TM2D3: variants seen among roughly 807,000 people sequenced by gnomAD.
The protein encoded by TM2D3 is TM2 domain containing 3, also known as TM2 domain-containing protein 3.
In TM2D3, 33 loss-of-function variants were observed where a neutral mutation model predicts 27.3. The ratio of observed to expected loss-of-function variants is 1.21; its 90% CI spans 0.92 to 1.61. TM2D3 has a LOEUF of 1.61. TM2D3 is among the 40% of genes most tolerant of loss of function. The pLI, the probability that TM2D3 is intolerant of heterozygous loss-of-function variation, is 0.00. For synonymous variants in TM2D3, 138 were observed against 122.2 expected, an observed-to-expected ratio of 1.13 and a Z score of -0.85; for missense variants, 364 against 320.8, an observed-to-expected ratio of 1.13 and a Z score of -1.03.
chr15:101,651,944 G>A (rs921715999), intron 1 of TM2D3, 171 bp from the exon 2 acceptor site: 4 of 686,876 alleles, frequency 5.8e-6, no homozygotes, highest in Non-Finnish European at 1.0e-5. Flanking sequence ...CAACAGAGTA[G>A]ACATCAGTTC....
chr15:101,652,064 G>A (rs951735771), intron 1 of TM2D3: 3 of 560,556 alleles, frequency 5.4e-6, no homozygotes, highest in Middle Eastern at 9.3e-4. Context: ...AGCCGCGATG[G>A]CGGGCTCGGT....
At position 101,645,306 on chromosome 15, in the gene TM2D3, G is replaced by A. The variant is rs565213678; in HGVS notation, c.503-144C>T. On this transcript the variant is annotated intron_variant, in intron 4 of 5. Transcript: ENST00000333202. Reference sequence around the variant, plus strand: ...CATGTTGAAGTGAAGAGTACAAAGCGCTTACCATCTATCTACATAGATGTA... The same window carrying A: ...CATGTTGAAGTGAAGAGTACAAAGCACTTACCATCTATCTACATAGATGTA... 3.3e-5 allele frequency: 22 copies of A among 670,132 alleles called. No individual in the cohort carries two copies. In the South Asian group the frequency reaches 3.8e-4, roughly 12 times the overall value. 41.5% of individuals were successfully genotyped at this position (670,132 alleles called of 1,614,324 possible).
Position 101,651,532 on chromosome 15 carries a change from A to C in TM2D3, c.169+164T>G, listed in dbSNP as rs541146098. 5.6e-5 allele frequency: 36 copies of C among 639,808 alleles called. No individual in the cohort carries two copies. The South Asian group carries it at 7.6e-4, about 13-fold the overall frequency. The allele number at this position is 639,808 out of a possible 1,614,324, so 39.6% of individuals were successfully genotyped here. ...AAAGGTATAAATACGAAGACTATCTACTGAAAATGGCTGTGTATCTACCCT... is the reference window on the plus strand; with the variant it reads ...AAAGGTATAAATACGAAGACTATCTCCTGAAAATGGCTGTGTATCTACCCT... On this transcript the variant is annotated intron_variant, in intron 2 of 5. Transcript: ENST00000333202.
In TM2D3 at chr15:101,646,964, A is replaced by G. The variant is rs1191358612; in HGVS notation, c.328-65T>C. On this transcript the variant is annotated intron_variant, in intron 3 of 5. Coordinates refer to ENST00000333202, the MANE Select transcript of TM2D3 (RefSeq NM_078474.3). Reference sequence around the variant, plus strand: ...TGTAGTCTGTTAAGATGTCAGTAAGACTACACAGTCACATGGCACAAAATT... The same window carrying G: ...TGTAGTCTGTTAAGATGTCAGTAAGGCTACACAGTCACATGGCACAAAATT... The G allele has an allele frequency of 1.9e-6, 3 of 1,573,466 alleles. No homozygotes were observed. In the African/African-American group the frequency reaches 4.0e-5, roughly 21 times the overall value.
intron 5 of TM2D3, among the ~76,000 whole-genome samples, chr15:101,643,550 C>T (rs571962403): frequency 7.5e-6 from 1 of 132,718 alleles, no homozygotes; most frequent in South Asian, 2.3e-4. Context: ...TGCAGTAAGC[C>T]GAGATTGAGC....
rs1897007555 is a variant in TM2D3 at position 101,652,258 on chromosome 15, G to C, written c.91+13C>G. 1.2e-6 allele frequency: 2 copies of C among 1,603,154 alleles called. No homozygotes were observed. The highest frequency in any genetic ancestry group is 1.4e-5 in the African/African-American group (1 of 72,988). On this transcript the variant is annotated intron_variant, in intron 1 of 5. Transcript: ENST00000333202. ...TCAGCCCCACCCGGCGCTGAACCCA[G>C]CCTTTGACTCACCACCGCCCGACAG...
intron 5 of TM2D3, 142 bp from the exon 6 acceptor site, chr15:101,642,786 T>G (rs1156598703): frequency 1.8e-6 from 1 of 541,118 alleles, no homozygotes; most frequent in East Asian, 3.4e-5. Context: ...AGTGACTATT[T>G]CACAAACTGA....
At chr15:101,650,439 G>A in intron 2 of TM2D3, 1 of 275,850 alleles carries the variant, frequency 3.6e-6, no homozygotes, top group Non-Finnish European at 6.7e-6. Context: ...ATAATGTATA[G>A]AAAATTCTGG....
At chr15:101,641,064 G>C (rs1896656626), downstream of TM2D3, among the ~76,000 whole-genome samples, 1 of 152,198 alleles carries the variant, frequency 6.6e-6, no homozygotes, top group African/African-American at 2.4e-5. Context: ...TCTACACAGA[G>C]CTACATAAGG....
At chr15:101,636,780 C>T (rs965547267) in intron 4 of TM2D3, 12 of 245,370 alleles carry the variant, frequency 4.9e-5, no homozygotes, top group Non-Finnish European at 9.4e-5. Context: ...TTTACATCCC[C>T]ACCAGCAATA....
chr15:101,637,932 T>C (rs1253811225), downstream of TM2D3, among the ~76,000 whole-genome samples: 2 of 152,200 alleles, frequency 1.3e-5, no homozygotes, highest in Admixed American at 1.3e-4. Context: ...TTGTGTTCTA[T>C]TCTACATTCC....
At position 101,650,206 on chromosome 15, in the gene TM2D3, C is replaced by T. The variant is rs764489116; in HGVS notation, c.170-45G>A. The T allele has an allele frequency of 3.2e-6, 5 of 1,565,882 alleles. No individual in the cohort carries two copies. In the South Asian group the frequency reaches 5.7e-5, roughly 18 times the overall value. ...AGCTTATTCTCCTATAATACTGATT[C>T]GAATAACAGAGAACAATCTTCTAAG... On this transcript the variant is annotated intron_variant, in intron 2 of 5. Coordinates refer to ENST00000333202, the MANE Select transcript of TM2D3 (RefSeq NM_078474.3).
chr15:101,643,624 C>CAA (rs978182591), intron 5 of TM2D3, among the ~76,000 whole-genome samples: 1,137 of 96,196 alleles, frequency 0.012, 10 homozygotes, highest in African/African-American at 0.016. Flanking sequence ...AAAAAAAAAG[C>CAA]AAAAAAAAAA....
chr15:101,646,510 C>A, intron 4 of TM2D3: 1 of 489,346 alleles, frequency 2.0e-6, no homozygotes, highest in Non-Finnish European at 3.7e-6. Context: ...AAATGTTTTT[C>A]TTATTTTATC....
chr15:101,650,296 T>C, intron 2 of TM2D3, 135 bp from the exon 3 acceptor site: 5 of 837,666 alleles, frequency 6.0e-6, no homozygotes, highest in Non-Finnish European at 8.9e-6. Context: ...GGGACTGGAG[T>C]CAGAGACACC....
At chr15:101,648,197 C>T (rs1260708552) in intron 3 of TM2D3, 6 of 151,260 alleles carry the variant, frequency 4.0e-5, no homozygotes, top group Non-Finnish European at 8.8e-5. Flanking sequence ...ACGCCCGGCC[C>T]ATGTTTGTTA....
At chr15:101,636,874 C>T (rs538349409), downstream of TM2D3, 408 of 424,712 alleles carry the variant, frequency 9.6e-4, 2 homozygotes, top group South Asian at 6.6e-3. Context: ...GACAGTGTCT[C>T]GCTCTGTGGC....
rs603605 is a variant in TM2D3, at chr15:101,643,583, C to G, written c.579-939G>C. ...AGCCACTGCACTCCAGCCTGGGTGA[C>G]AGAGAGAGACTCCGTTAAAAAAAAA... On this transcript the variant is annotated intron_variant, in intron 5 of 5. Coordinates refer to ENST00000333202, the MANE Select transcript of TM2D3 (RefSeq NM_078474.3). 9.9e-3 allele frequency among the ~76,000 whole-genome samples: 1,090 copies of G among 109,938 alleles called. 18 individuals are homozygous for G. The highest frequency in any genetic ancestry group is 0.037 in the African/African-American group (1,036 of 27,882). The allele number at this position is 109,938 out of a possible 152,430, so 72.1% of individuals were successfully genotyped here.
chr15:101,634,408 TG>T (rs1402850933), intron 4 of TM2D3: 3 of 152,276 alleles, frequency 2.0e-5, no homozygotes, highest in African/African-American at 7.2e-5. Context: ...CACTCCAGCC[TG>T]GGCGACAGAG....
Sources: gnomAD v4.1 joint callset for allele counts (sites outside exome capture counted in the v4.1 genomes callset) on GRCh38, gnomAD v4.1.1 for gene constraint, MANE v1.5 for transcripts, NCBI Gene and HGNC (gene_info 2026-07-23, HGNC 2026-07-21) for gene names.